Variants in PTOV1 observed in about 807,000 individuals in gnomAD.
The protein encoded by PTOV1 is PTOV1 extended AT-hook containing adaptor protein.
In PTOV1, 20 loss-of-function variants were observed where a neutral mutation model predicts 58.0. The observed-to-expected ratio is 0.34, with a 90% CI of 0.24 to 0.50. The LOEUF is 0.50. Among genes scored for constraint, PTOV1 ranks in the 20% least tolerant of loss-of-function variants. The probability of loss-of-function intolerance (pLI) is 0.98; values close to 1 mark genes in which losing one functional copy is unlikely to be tolerated. For synonymous variants in PTOV1, 335 were observed against 234.2 expected, an observed-to-expected ratio of 1.43 and a Z score of -3.93; for missense variants, 593 against 565.4, an observed-to-expected ratio of 1.05 and a Z score of -0.50.
At chr19:49,860,599 C>T (rs2074715179) in exon 12 of PTOV1, 4 of 522,092 alleles carry the variant, frequency 7.7e-6, no homozygotes, top group African/African-American at 1.9e-5. Flanking sequence ...GCCCCCACTG[C>T]ACCCCTGCCC....
intron 5 of PTOV1, chr19:49,856,730 T>C (rs78591223): frequency 0.043 from 22,051 of 509,160 alleles, 740 homozygotes; most frequent in South Asian, 0.12. Flanking sequence ...AGTGCCTTCT[T>C]GGCATTCTCA....
At chr19:49,851,695 C>T (rs1353435452) in intron 1 of PTOV1, 196 bp downstream of exon 1, 2 of 998,240 alleles carry the variant, frequency 2.0e-6, no homozygotes, top group African/African-American at 3.5e-5. Context: ...GTTGCGCGTT[C>T]GGGCCGGGGT....
At chr19:49,853,882 G>T (rs995237620) in intron 1 of PTOV1, among the ~76,000 whole-genome samples, 1 of 152,220 alleles carries the variant, frequency 6.6e-6, no homozygotes, top group Non-Finnish European at 1.5e-5. Context: ...AGAGAGGTGG[G>T]CACTGGCCTG....
chr19:49,857,259 C>A, intron 6 of PTOV1, 129 bp downstream of exon 6: 1 of 1,319,484 alleles, frequency 7.6e-7, no homozygotes, highest in Non-Finnish European at 1.1e-6. Context: ...CAGGGGAGCC[C>A]GGAGGATGCC....
At position 49,855,089 on chromosome 19, in the gene PTOV1, G is replaced by A. The variant is rs1265342028; in HGVS notation, c.558+12G>A. 51 of 1,570,940 alleles carry A rather than the reference G, an allele frequency of 3.2e-5. No individual in the cohort carries two copies. The highest frequency in any genetic ancestry group is 4.3e-5 in the Non-Finnish European group (50 of 1,155,382). On this transcript the variant is annotated intron_variant, in intron 5 of 11. Coordinates refer to ENST00000391842, the Ensembl canonical transcript of PTOV1. ...TGGGCAACGGCTTCGTGAGTGGGGC[G>A]GGCTCCCTTGTAGCACTGTGGTGAC...
chr19:49,856,916 G>A, intron 5 of PTOV1, 59 bp from the exon 6 acceptor site: 1 of 1,598,750 alleles, frequency 6.3e-7, no homozygotes, highest in Non-Finnish European at 8.5e-7. Flanking sequence ...GGTCCAGGGT[G>A]GTGGGGGCAC....
chr19:49,854,948 C>T (rs993842473), intron 4 of PTOV1, 22 bp from the exon 5 acceptor site: 1 of 1,597,442 alleles, frequency 6.3e-7, no homozygotes. Context: ...GCTGACCCAG[C>T]TGTCTGTCCT....
upstream of PTOV1, chr19:49,850,763 A>G: frequency 7.8e-7 from 1 of 1,285,740 alleles, no homozygotes. Flanking sequence ...TGCAATCCGT[A>G]CCCTCAGTGG....
At chr19:49,850,813 T>G, upstream of PTOV1, 5 of 1,522,448 alleles carry the variant, frequency 3.3e-6, no homozygotes, top group Non-Finnish European at 4.4e-6. Context: ...AGGCCCATTA[T>G]TCCGTCCTCC....
At chr19:49,854,947 G>C in intron 4 of PTOV1, 23 bp from the exon 5 acceptor site, 3 of 1,360,008 alleles carry the variant, frequency 2.2e-6, no homozygotes, top group Non-Finnish European at 2.9e-6. Context: ...GGCTGACCCA[G>C]CTGTCTGTCC....
chr19:49,857,633 C>G (rs994940916), intron 6 of PTOV1, 60 bp from the exon 7 acceptor site: 1 of 1,497,222 alleles, frequency 6.7e-7, no homozygotes, highest in South Asian at 1.2e-5. Flanking sequence ...GGCCCCAGGA[C>G]AGACAGACAG....
At chr19:49,858,214 G>C (rs1035009943) in intron 9 of PTOV1, 100 bp downstream of exon 9, 4 of 1,421,174 alleles carry the variant, frequency 2.8e-6, no homozygotes, top group Non-Finnish European at 3.8e-6. Flanking sequence ...TGAGCTGGCT[G>C]TGAGGGAGCG....
chr19:49,857,920 A>G (rs767730731), exon 8 of PTOV1: 7 of 1,613,896 alleles, frequency 4.3e-6, no homozygotes, highest in Non-Finnish European at 5.9e-6. Flanking sequence ...CCTGAGCCCA[A>G]CAGTCGGTCC....
intron 1 of PTOV1, chr19:49,851,779 G>T (rs1346447685): frequency 9.5e-7 from 1 of 1,056,178 alleles, no homozygotes; most frequent in African/African-American, 1.7e-5. Flanking sequence ...ACGCGGGCTG[G>T]GGGCGGCAGA....
At chr19:49,854,715 G>C (rs140236059) in exon 3 of PTOV1, 3 of 1,613,528 alleles carry the variant, frequency 1.9e-6, no homozygotes, top group Non-Finnish European at 2.5e-6. Context: ...CCAAGCCTAC[G>C]TGAACCAAGG....
chr19:49,855,093 TC>T lies in PTOV1; in HGVS notation c.558+19del. ...CAACGGCTTCGTGAGTGGGGCGGGC[TC>T]CCTTGTAGCACTGTGGTGACAAGTA... On this transcript the variant is annotated intron_variant, in intron 5 of 11. Transcript: ENST00000391842. The T allele has an allele frequency of 6.4e-7, 1 of 1,565,524 alleles. No individual in the cohort carries two copies. The highest frequency in any genetic ancestry group is 8.7e-7 in the Non-Finnish European group (1 of 1,151,410).
Position 49,851,512 on chromosome 19 carries a change from C to T in PTOV1, c.171+13C>T, listed in dbSNP as rs1419307164. The T allele has an allele frequency of 6.8e-6, 8 of 1,175,002 alleles. No individual in the cohort carries two copies. In the South Asian group the frequency reaches 1.7e-4, roughly 25 times the overall value. 72.8% of individuals were successfully genotyped at this position (1,175,002 alleles called of 1,614,324 possible). ...GGCCCCTCCCATGGTGAGCCCCCCG[C>T]CCTTTTTCCAGAGCCTTCCACGGCC... On this transcript the variant is annotated intron_variant, in intron 1 of 11. Coordinates refer to ENST00000391842, the Ensembl canonical transcript of PTOV1.
chr19:49,851,370 G>T, exon 1 of PTOV1: 3 of 1,133,428 alleles, frequency 2.6e-6, no homozygotes. Context: ...CCGGCGCCGG[G>T]GGCCCCCTCG....
upstream of PTOV1, chr19:49,850,810 T>G: frequency 2.0e-6 from 3 of 1,517,386 alleles, no homozygotes; most frequent in Non-Finnish European, 2.7e-6. Flanking sequence ...CCCAGGCCCA[T>G]TATTCCGTCC....
Sources: allele counts gnomAD v4.1 joint callset (sites outside exome capture counted in the v4.1 genomes callset), GRCh38; gene constraint gnomAD v4.1.1; transcripts MANE v1.5; gene names NCBI Gene and HGNC (gene_info 2026-07-23, HGNC 2026-07-21).